The following SLC25A53 variants were observed in gnomAD, a reference collection of about 807,000 sequenced individuals.
SLC25A53 encodes the protein mitochondrial carrier triple repeat protein 6.
Under a neutral mutation model 15.0 loss-of-function variants are expected in SLC25A53, and 5 were observed. That is an observed-to-expected ratio of 0.33 (90% CI 0.17 to 0.70). SLC25A53 has a LOEUF of 0.70. SLC25A53 is among the 30% of genes least tolerant of loss of function. SLC25A53 has a pLI of 0.67. For synonymous variants in SLC25A53, 95 were observed against 100.0 expected (o/e 0.95, Z 0.30); for missense variants, 216 against 241.6 (o/e 0.89, Z 0.70).
Position 104,099,771 on chromosome X carries a change from T to C in SLC25A53, c.*4563A>G, listed in dbSNP as rs2075273180. 9.1e-6 allele frequency: 1 copy of C among 110,240 alleles called. No individual in the cohort carries two copies. The allele number at this position is 110,240 out of a possible 1,213,427, so 9.1% of individuals were successfully genotyped here. Reference sequence around the variant, plus strand: ...GTCATCAGTGGTGGGGGGAGAAGAGTAGGTTATTAAAGGGCTCTATTTCTT... The same window carrying C: ...GTCATCAGTGGTGGGGGGAGAAGAGCAGGTTATTAAAGGGCTCTATTTCTT... On this transcript the variant is annotated 3_prime_UTR_variant, in exon 2 of 2. Coordinates refer to ENST00000594199, the MANE Select transcript of SLC25A53 (RefSeq NM_001012755.5).
rs1446094186 is a variant in SLC25A53 at position 104,101,354 on chromosome X, A to T, written c.*2980T>A. On this transcript the variant is annotated 3_prime_UTR_variant, in exon 2 of 2. Coordinates refer to ENST00000594199, the MANE Select transcript of SLC25A53 (RefSeq NM_001012755.5). ...TCATTGGCCACTGGTGATCAACTTAACCTTCCATCCCTCTCCCCTCCCTGG... is the reference window on the plus strand; with the variant it reads ...TCATTGGCCACTGGTGATCAACTTATCCTTCCATCCCTCTCCCCTCCCTGG... 1 of 111,033 alleles carries T rather than the reference A, an allele frequency of 9.0e-6. No homozygotes were observed. Among genetic ancestry groups the T allele is most frequent in the Non-Finnish European group, 1.9e-5 (1 of 52,996 alleles). 9.2% of individuals were successfully genotyped at this position (111,033 alleles called of 1,213,427 possible).
chrX:104,150,515 C>T (rs1392230519), intron 1 of SLC25A53, among the ~76,000 whole-genome samples: 2 of 111,612 alleles, frequency 1.8e-5, no homozygotes, highest in African/African-American at 6.5e-5. Flanking sequence ...TATGTGACCA[C>T]AGTGACCAAT....
In SLC25A53 at chrX:104,101,072, G is replaced by C. The variant is rs1263293739; in HGVS notation, c.*3262C>G. ...TTGAGTTCACATGACCCCTTCTTTG[G>C]GTTTAATTTGCCAGAAAGGGTCACA... On this transcript the variant is annotated 3_prime_UTR_variant, in exon 2 of 2. Coordinates refer to ENST00000594199, the MANE Select transcript of SLC25A53 (RefSeq NM_001012755.5). 8.9e-6 allele frequency: 1 copy of C among 112,050 alleles called. No individual in the cohort carries two copies. The highest frequency in any genetic ancestry group is 1.9e-5 in the Non-Finnish European group (1 of 53,280). The allele number at this position is 112,050 out of a possible 1,213,427, so 9.2% of individuals were successfully genotyped here.
rs192282101 is a variant in SLC25A53 at position 104,104,187 on chromosome X, G to A, written c.*147C>T. ...TTTGGGCTTTGTCCTTGCTCAACAG[G>A]TTGGTAGTTGGGAACTTCTCCCATG... On this transcript the variant is annotated 3_prime_UTR_variant, in exon 2 of 2. Coordinates refer to ENST00000594199, the MANE Select transcript of SLC25A53 (RefSeq NM_001012755.5). The A allele has an allele frequency of 1.6e-4, 81 of 501,029 alleles. No homozygotes were observed. Among genetic ancestry groups the A allele is most frequent in the Non-Finnish European group, 2.5e-4 (76 of 300,605 alleles). The allele number at this position is 501,029 out of a possible 1,213,427, so 41.3% of individuals were successfully genotyped here. A position where few individuals can be genotyped will look rare whatever the true frequency, so the allele number is the denominator to read the frequency against.
rs188406207 is a variant in SLC25A53 at position 104,152,016 on chromosome X, G to A, written c.-32+4862C>T. Among the ~76,000 whole-genome samples, 197 of 110,890 alleles carry A rather than the reference G, an allele frequency of 1.8e-3. 1 individual carries two copies. Among genetic ancestry groups the A allele is most frequent in the African/African-American group, 6.3e-3 (193 of 30,687 alleles). ...TTCAGGAGTCATATGTGGTTGTCTC[G>A]CTGACTCCTTTGGAATATGGACATG... On this transcript the variant is annotated intron_variant, in intron 1 of 1. Coordinates refer to ENST00000594199, the MANE Select transcript of SLC25A53 (RefSeq NM_001012755.5).
chrX:104,135,575 C>T (rs1259806380), intron 1 of SLC25A53, among the ~76,000 whole-genome samples: 3 of 110,985 alleles, frequency 2.7e-5, no homozygotes, highest in African/African-American at 9.8e-5. Context: ...ATACTCACTG[C>T]CATTGCCCTC....
At chrX:104,123,545 A>G (rs868964050) in intron 1 of SLC25A53, among the ~76,000 whole-genome samples, 1 of 104,242 alleles carries the variant, frequency 9.6e-6, no homozygotes, top group Non-Finnish European at 2.0e-5. Flanking sequence ...TGATTTGTTT[A>G]TTTTTTTTTT....
intron 1 of SLC25A53, among the ~76,000 whole-genome samples, chrX:104,134,095 G>A (rs932681918): frequency 3.6e-5 from 4 of 111,706 alleles, no homozygotes; most frequent in African/African-American, 1.3e-4. Flanking sequence ...CAGCACACCA[G>A]AGTCACAGAG....
At chrX:104,135,930 C>A (rs897318260) in intron 1 of SLC25A53, among the ~76,000 whole-genome samples, 3 of 111,372 alleles carry the variant, frequency 2.7e-5, no homozygotes, top group Non-Finnish European at 5.6e-5. Context: ...GATAGACACA[C>A]CCACAGAGTA....
intron 1 of SLC25A53, among the ~76,000 whole-genome samples, chrX:104,132,875 A>G (rs1360176035): frequency 9.0e-6 from 1 of 111,699 alleles, no homozygotes; most frequent in African/African-American, 3.3e-5. Flanking sequence ...GAATGGAGAG[A>G]GCCAGATAGG....
At chrX:104,126,894 C>T (rs1304276671) in intron 1 of SLC25A53, among the ~76,000 whole-genome samples, 2 of 111,927 alleles carry the variant, frequency 1.8e-5, no homozygotes, top group African/African-American at 3.3e-5. Context: ...ATCTCTCATA[C>T]AATGATGTTA....
Position 104,118,169 on chromosome X carries a change from T to C in SLC25A53, c.-31-12881A>G, listed in dbSNP as rs191913351. Among the ~76,000 whole-genome samples the C allele has an allele frequency of 6.2e-5, 7 of 112,602 alleles. No individual in the cohort carries two copies. The East Asian group carries it at 2.0e-3, about 31-fold the overall frequency. On this transcript the variant is annotated intron_variant, in intron 1 of 1. Coordinates refer to ENST00000594199, the MANE Select transcript of SLC25A53 (RefSeq NM_001012755.5). ...AAGTGAAAGAAGGCTTTTAAAAAATTTTGTGTTTGATACCCTTCATTTATA... is the reference window on the plus strand; with the variant it reads ...AAGTGAAAGAAGGCTTTTAAAAAATCTTGTGTTTGATACCCTTCATTTATA...
chrX:104,136,699 C>T (rs781839858), intron 1 of SLC25A53, among the ~76,000 whole-genome samples: 1 of 112,380 alleles, frequency 8.9e-6, no homozygotes, highest in South Asian at 3.7e-4. Flanking sequence ...GGAACAGCCT[C>T]GCTCAGTGAA....
chrX:104,146,561 C>A (rs1401806775), intron 1 of SLC25A53, among the ~76,000 whole-genome samples: 1 of 111,805 alleles, frequency 8.9e-6, no homozygotes, highest in Non-Finnish European at 1.9e-5. Flanking sequence ...AAAACCCCAT[C>A]GTCTCAGCCC....
At chrX:104,114,478 G>A (rs2075366575) in intron 1 of SLC25A53, 9 of 1,211,789 alleles carry the variant, frequency 7.4e-6, no homozygotes, top group Non-Finnish European at 1.0e-5. Flanking sequence ...GGTGTTTGGG[G>A]AGTCTGAAAG....
chrX:104,114,708 T>C lies in SLC25A53; in HGVS notation c.-31-9420A>G, dbSNP rs957119007. ...GGCTTAAGCATCTTCTCAGGATGTA[T>C]GCAAATAAGCAGGAGCGGCTTCCCA... On this transcript the variant is annotated intron_variant, in intron 1 of 1. Transcript: ENST00000594199. 4.1e-6 allele frequency: 5 copies of C among 1,210,176 alleles called. No individual in the cohort carries two copies. In the African/African-American group the frequency reaches 8.7e-5, roughly 21 times the overall value.
intron 1 of SLC25A53, among the ~76,000 whole-genome samples, chrX:104,123,159 T>C (rs1569462521): frequency 8.9e-6 from 1 of 112,365 alleles, no homozygotes; most frequent in Non-Finnish European, 1.9e-5. Context: ...ACCTAAACCG[T>C]CCCTCCCAGA....
chrX:104,121,922 T>TAG (rs1569462368), intron 1 of SLC25A53, among the ~76,000 whole-genome samples: 8 of 45,381 alleles, frequency 1.8e-4, no homozygotes, highest in African/African-American at 6.4e-4. Flanking sequence ...TATATATATA[T>TAG]ATATATATAT....
chrX:104,130,975 G>C (rs1397512518), intron 1 of SLC25A53: 2 of 111,995 alleles, frequency 1.8e-5, no homozygotes, highest in Non-Finnish European at 3.8e-5. Context: ...TGTGGGTAAG[G>C]AATGTGGGCA....
Sources: gnomAD v4.1 joint callset for allele counts (sites outside exome capture counted in the v4.1 genomes callset) on GRCh38, gnomAD v4.1.1 for gene constraint, MANE v1.5 for transcripts, NCBI Gene and HGNC (gene_info 2026-07-23, HGNC 2026-07-21) for gene names.